The following SLC35F5 variants were observed in gnomAD, a reference collection of about 807,000 sequenced individuals.
SLC35F5 encodes solute carrier family 35 member F5.
A neutral mutation model predicts 68.6 loss-of-function variants in SLC35F5; 54 were observed. That is an observed-to-expected ratio of 0.79 (90% CI 0.63 to 0.99). The LOEUF is 0.99. SLC35F5 is among the 50% of genes least tolerant of loss of function. The pLI is 0.00. For synonymous variants in SLC35F5, 211 were observed against 205.2 expected (o/e 1.03, Z -0.24); for missense variants, 567 against 626.9 (o/e 0.90, Z 1.02).
chr2:113,746,610 C>T (rs901453238), intron 4 of SLC35F5, among the ~76,000 whole-genome samples: 3 of 152,054 alleles, frequency 2.0e-5, no homozygotes, highest in African/African-American at 7.2e-5. Context: ...AAAGCTTATG[C>T]CCTTTTCGGA....
chr2:113,741,271 G>C (rs1449923948), intron 7 of SLC35F5, among the ~76,000 whole-genome samples: 1 of 152,194 alleles, frequency 6.6e-6, no homozygotes, highest in Non-Finnish European at 1.5e-5. Context: ...GGTTGCCAGG[G>C]GCTGGGGGTG....
intron 11 of SLC35F5, 163 bp from the exon 12 acceptor site, chr2:113,725,700 C>A: frequency 5.5e-6 from 3 of 540,664 alleles, no homozygotes; most frequent in African/African-American, 2.0e-5. Flanking sequence ...GTGAATAGCT[C>A]AACGCCATAG....
At chr2:113,718,893 G>GAA (rs201389381) in intron 14 of SLC35F5, among the ~76,000 whole-genome samples, 1 of 53,434 alleles carries the variant, frequency 1.9e-5, no homozygotes. Context: ...AAGAAAGAAA[G>GAA]AAAGAAAGAA....
chr2:113,744,036 T>C (rs1186508323), intron 5 of SLC35F5: 1 of 322,378 alleles, frequency 3.1e-6, no homozygotes, highest in Non-Finnish European at 5.6e-6. Flanking sequence ...TATTATGATA[T>C]CTAATATTTA....
In SLC35F5 at chr2:113,724,153, G is replaced by T. The variant is rs140662570; in HGVS notation, c.1251-959C>A. On this transcript the variant is annotated intron_variant, in intron 12 of 15. Transcript: ENST00000245680. ...TGAGGTAAAGGAAACAAGTACTTGT[G>T]GTTCCCACTACTTAGCTGCTCTGTG... Among the ~76,000 whole-genome samples, 753 of 152,264 alleles carry T rather than the reference G, an allele frequency of 4.9e-3. 8 individuals are homozygous for T. The highest frequency in any genetic ancestry group is 0.016 in the African/African-American group (670 of 41,576).
At position 113,714,068 on chromosome 2, in the gene SLC35F5, T is replaced by C. The variant is rs896334875; in HGVS notation, c.*1150A>G. 6 of 152,290 alleles carry C rather than the reference T, an allele frequency of 3.9e-5. No individual in the cohort carries two copies. Among genetic ancestry groups the C allele is most frequent in the South Asian group, 4.1e-4 (2 of 4,832 alleles). The allele number at this position is 152,290 out of a possible 1,614,324, so 9.4% of individuals were successfully genotyped here. ...TACGTTTACTGATATCTATGGTGAA[T>C]AGAGTCCAGGAGCAGTTGCATAATA... On this transcript the variant is annotated 3_prime_UTR_variant, in exon 16 of 16. Coordinates refer to ENST00000245680, the MANE Select transcript of SLC35F5 (RefSeq NM_025181.5).
At chr2:113,703,875 C>G (rs188669531), downstream of SLC35F5, 4 of 152,370 alleles carry the variant, frequency 2.6e-5, no homozygotes, top group Non-Finnish European at 4.4e-5. Context: ...CTAATGTGTC[C>G]GGACTCAGTG....
At chr2:113,731,523 A>G in intron 10 of SLC35F5, 61 bp downstream of exon 10, 1 of 1,293,078 alleles carries the variant, frequency 7.7e-7, no homozygotes, top group Non-Finnish European at 1.1e-6. Context: ...TGTGCACATG[A>G]GCACGCACAT....
chr2:113,746,404 C>G, intron 4 of SLC35F5, 65 bp from the exon 5 acceptor site: 7 of 1,304,722 alleles, frequency 5.4e-6, no homozygotes, highest in Non-Finnish European at 7.7e-6. Flanking sequence ...ACTAGTCAGA[C>G]GTAACTCAGA....
downstream of SLC35F5, among the ~76,000 whole-genome samples, chr2:113,704,714 A>C (rs1365020509): frequency 6.6e-6 from 1 of 151,594 alleles, no homozygotes; most frequent in Non-Finnish European, 1.5e-5. Context: ...GGGCCCGCCG[A>C]GCCCACACCC....
At position 113,708,355 on chromosome 2, in the gene SLC35F5, C is replaced by G. The variant is rs537634386; in HGVS notation, c.*6863G>C. ...TTTAGTCTGGTACTTTTAGCATCCC[C>G]AACTTTTAAGATTATAAATTCACAA... is the stretch of plus-strand genomic sequence containing the variant. On this transcript the variant is annotated 3_prime_UTR_variant, in exon 16 of 16. Transcript: ENST00000245680. Among the ~76,000 whole-genome samples, 1 of 152,266 alleles carries G rather than the reference C, an allele frequency of 6.6e-6. No homozygotes were observed. The highest frequency in any genetic ancestry group is 1.9e-4 in the East Asian group (1 of 5,190).
chr2:113,725,339 TAATC>T, intron 12 of SLC35F5, 35 bp downstream of exon 12: 1 of 1,565,152 alleles, frequency 6.4e-7, no homozygotes, highest in Non-Finnish European at 8.6e-7. Context: ...ATCCAAAAAT[TAATC>T]AACTGATAAT....
At chr2:113,703,078 C>A (rs1686727874), downstream of SLC35F5, among the ~76,000 whole-genome samples, 1 of 151,956 alleles carries the variant, frequency 6.6e-6, no homozygotes, top group Non-Finnish European at 1.5e-5. Flanking sequence ...CCACTGTACT[C>A]CAGCCTGGGT....
rs1388273027 is a variant in SLC35F5, at chr2:113,709,092, CTA to C, written c.*6124_*6125del. ...ACAAAAGCAAAAACAAAATTACGGC[CTA>C]TGTGGTGTCACTGTTATTACCACTC... On this transcript the variant is annotated 3_prime_UTR_variant, in exon 16 of 16. Transcript: ENST00000245680. Among the ~76,000 whole-genome samples the C allele has an allele frequency of 6.6e-6, 1 of 152,228 alleles. No homozygotes were observed. Among genetic ancestry groups the C allele is most frequent in the African/African-American group, 2.4e-5 (1 of 41,462 alleles).
intron 12 of SLC35F5, among the ~76,000 whole-genome samples, chr2:113,723,547 A>G (rs1402496469): frequency 6.6e-6 from 1 of 152,210 alleles, no homozygotes; most frequent in Admixed American, 6.5e-5. Flanking sequence ...GATAACAAAG[A>G]AAACAGCATT....
At chr2:113,734,556 A>G in intron 9 of SLC35F5, 30 bp downstream of exon 9, 1 of 1,251,704 alleles carries the variant, frequency 8.0e-7, no homozygotes. Flanking sequence ...TTTTAAGCAG[A>G]GCAAACTAGC....
intron 9 of SLC35F5, among the ~76,000 whole-genome samples, chr2:113,732,030 T>C (rs577400532): frequency 6.6e-6 from 1 of 152,308 alleles, no homozygotes; most frequent in African/African-American, 2.4e-5. Flanking sequence ...CCACTATCTT[T>C]CAGTTAAGAA....
At chr2:113,745,747 C>T (rs1462778846) in intron 5 of SLC35F5, among the ~76,000 whole-genome samples, 2 of 152,020 alleles carry the variant, frequency 1.3e-5, no homozygotes, top group African/African-American at 4.8e-5. Flanking sequence ...TTATATACTA[C>T]CTCTCCAACT....
downstream of SLC35F5, among the ~76,000 whole-genome samples, chr2:113,706,683 C>T (rs760099708): frequency 3.3e-5 from 5 of 152,082 alleles, no homozygotes; most frequent in African/African-American, 7.2e-5. Flanking sequence ...ATCAAATACC[C>T]GAGACACATC....
Sources: allele counts gnomAD v4.1 joint callset (sites outside exome capture counted in the v4.1 genomes callset), GRCh38; gene constraint gnomAD v4.1.1; transcripts MANE v1.5; gene names NCBI Gene and HGNC (gene_info 2026-07-23, HGNC 2026-07-21).